The following TNRC6B variants were observed in gnomAD, a reference collection of about 807,000 sequenced individuals.
The protein encoded by TNRC6B is trinucleotide repeat containing adaptor 6B.
A neutral mutation model predicts 203.6 loss-of-function variants in TNRC6B; 52 were observed. The ratio of observed to expected loss-of-function variants is 0.26; its 90% confidence interval spans 0.20 to 0.32. The LOEUF (loss-of-function observed/expected upper bound fraction) is 0.32. Among genes scored for constraint, TNRC6B ranks in the 10% least tolerant of loss-of-function variants. The probability of loss-of-function intolerance (pLI) is 1.00; values close to 1 mark genes in which losing one functional copy is unlikely to be tolerated. For missense variants in TNRC6B, 1,923 were observed against 2,286.2 expected, an observed-to-expected ratio of 0.84 and a Z score of 3.24; for synonymous variants, 838 against 845.7, an observed-to-expected ratio of 0.99 and a Z score of 0.16.
intron 1 of TNRC6B, among the ~76,000 whole-genome samples, chr22:40,209,221 T>G (rs1214790817): frequency 6.6e-6 from 1 of 151,822 alleles, no homozygotes; most frequent in African/African-American, 2.4e-5. Flanking sequence ...GAGAGTCCAA[T>G]TTATTCTCTA....
intron 1 of TNRC6B, among the ~76,000 whole-genome samples, chr22:40,239,773 C>T (rs1280628308): frequency 1.3e-5 from 2 of 152,088 alleles, no homozygotes; most frequent in Admixed American, 1.3e-4. Context: ...AACTTGCATG[C>T]GGGGCAGTCT....
chr22:40,318,264 A>G (rs1037318524), intron 21 of TNRC6B, among the ~76,000 whole-genome samples: 11 of 152,108 alleles, frequency 7.2e-5, no homozygotes, highest in Non-Finnish European at 1.5e-4. Context: ...GTTCCAAGTT[A>G]CGGCCGGGCA....
intron 1 of TNRC6B, among the ~76,000 whole-genome samples, chr22:40,194,901 T>G (rs1267722954): frequency 2.0e-5 from 3 of 152,196 alleles, no homozygotes; most frequent in African/African-American, 7.2e-5. Context: ...CTGCAGTGGT[T>G]TGGGGAGGAC....
intron 1 of TNRC6B, among the ~76,000 whole-genome samples, chr22:40,078,901 C>T (rs1416744387): frequency 6.6e-6 from 1 of 151,858 alleles, no homozygotes; most frequent in African/African-American, 2.4e-5. Flanking sequence ...TGGTGAAACC[C>T]TGTCTCTACC....
At chr22:40,229,423 C>T (rs999715609) in intron 1 of TNRC6B, among the ~76,000 whole-genome samples, 1 of 151,846 alleles carries the variant, frequency 6.6e-6, no homozygotes, top group African/African-American at 2.4e-5. Context: ...ATGGGCCATT[C>T]CAGGTATCCC....
chr22:40,198,701 G>A (rs968304669), intron 1 of TNRC6B, among the ~76,000 whole-genome samples: 5 of 152,106 alleles, frequency 3.3e-5, no homozygotes, highest in African/African-American at 9.7e-5. Flanking sequence ...ATGCTAGATC[G>A]GAATCAGAAG....
rs562659702 is a variant in TNRC6B at position 40,098,733 on chromosome 22, G to GT, written c.-120-18315dup. 1.8e-3 allele frequency among the ~76,000 whole-genome samples: 268 copies of GT among 151,612 alleles called. 1 individual carries two copies. Among genetic ancestry groups the GT allele is most frequent in the African/African-American group, 5.8e-3 (241 of 41,310 alleles). ...TGTCATATTTCTTTAATTTTTTTTA[G>GT]TTTTTTTATTTTAAGAGACAGTCTC... On this transcript the variant is annotated intron_variant, in intron 1 of 23. Transcript: ENST00000301923.
chr22:40,092,957 A>C (rs958571895), intron 1 of TNRC6B, among the ~76,000 whole-genome samples: 8 of 152,252 alleles, frequency 5.3e-5, no homozygotes, highest in Non-Finnish European at 1.0e-4. Flanking sequence ...CTGTGTGTCA[A>C]GGATGGGTTT....
At chr22:40,132,990 A>T (rs1310067734) in intron 3 of TNRC6B, among the ~76,000 whole-genome samples, 6 of 135,690 alleles carry the variant, frequency 4.4e-5, no homozygotes, top group Non-Finnish European at 9.5e-5. Context: ...ATATATATAT[A>T]TTCTGTAAAA....
intron 1 of TNRC6B, among the ~76,000 whole-genome samples, chr22:40,240,223 C>T (rs2070010070): frequency 6.6e-6 from 1 of 152,202 alleles, no homozygotes; most frequent in Non-Finnish European, 1.5e-5. Flanking sequence ...GTTGTATTCG[C>T]TCTTCACCTG....
At chr22:40,284,056 C>A (rs758910203) in intron 11 of TNRC6B, among the ~76,000 whole-genome samples, 1 of 152,124 alleles carries the variant, frequency 6.6e-6, no homozygotes, top group Admixed American at 6.5e-5. Flanking sequence ...ATCAGGGTGG[C>A]GAAGCTACTG....
chr22:40,249,773 A>C (rs2070160872), intron 2 of TNRC6B, among the ~76,000 whole-genome samples: 1 of 152,204 alleles, frequency 6.6e-6, no homozygotes, highest in Non-Finnish European at 1.5e-5. Flanking sequence ...TGGATAAGTA[A>C]AGATGTAGAA....
intron 2 of TNRC6B, among the ~76,000 whole-genome samples, chr22:40,122,296 C>T (rs41519148): frequency 0.057 from 8,620 of 152,056 alleles, 778 homozygotes; most frequent in African/African-American, 0.19. Context: ...ACTAATAAAG[C>T]GGTATTGGAC....
intron 1 of TNRC6B, among the ~76,000 whole-genome samples, chr22:40,113,178 G>A (rs1329198601): frequency 1.3e-5 from 2 of 152,196 alleles, no homozygotes; most frequent in East Asian, 1.9e-4. Context: ...AGATTTTAAG[G>A]TTAAAGAGGA....
At chr22:40,088,344 A>C (rs1005589596) in intron 1 of TNRC6B, among the ~76,000 whole-genome samples, 1 of 152,212 alleles carries the variant, frequency 6.6e-6, no homozygotes, top group African/African-American at 2.4e-5. Flanking sequence ...TCTTCCACTT[A>C]CTATGAATGC....
At chr22:40,249,663 A>T (rs2070158358) in intron 2 of TNRC6B, among the ~76,000 whole-genome samples, 1 of 152,242 alleles carries the variant, frequency 6.6e-6, no homozygotes. Flanking sequence ...GACTTCCTGT[A>T]TAACTGATCT....
chr22:40,101,363 A>G (rs11912334), intron 1 of TNRC6B, among the ~76,000 whole-genome samples: 8,280 of 152,216 alleles, frequency 0.054, 765 homozygotes, highest in African/African-American at 0.19. Flanking sequence ...TGTTAACAGC[A>G]CATTGCCGGC....
At chr22:40,147,511 C>G (rs548931358) in intron 3 of TNRC6B, among the ~76,000 whole-genome samples, 1 of 152,266 alleles carries the variant, frequency 6.6e-6, no homozygotes, top group Non-Finnish European at 1.5e-5. Flanking sequence ...ACCAGTAGAT[C>G]TGTTGTCAGG....
intron 11 of TNRC6B, among the ~76,000 whole-genome samples, chr22:40,282,654 G>A (rs376959759): frequency 5.3e-5 from 8 of 152,080 alleles, no homozygotes; most frequent in Admixed American, 3.9e-4. Context: ...CTAAAAAAAG[G>A]TCATTCTTCT....
Sources: gnomAD v4.1 joint callset for allele counts (sites outside exome capture counted in the v4.1 genomes callset) on GRCh38, gnomAD v4.1.1 for gene constraint, MANE v1.5 for transcripts, NCBI Gene and HGNC (gene_info 2026-07-23, HGNC 2026-07-21) for gene names.